NEDD4L: variants seen among roughly 807,000 people sequenced by gnomAD.
The protein encoded by NEDD4L is E3 ubiquitin-protein ligase NEDD4-like.
In NEDD4L, 54 loss-of-function variants were observed where a neutral mutation model predicts 148.9. The observed-to-expected ratio is 0.36, with a 90% CI of 0.29 to 0.45. The LOEUF is 0.45. Ranked by LOEUF, NEDD4L falls within the 20% of genes least tolerant of loss-of-function variation. NEDD4L has a pLI of 1.00. For missense variants in NEDD4L, 856 were observed against 1,233.8 expected (o/e 0.69, Z 4.59); for synonymous variants, 433 against 440.7 (o/e 0.98, Z 0.22).
At chr18:58,289,612 C>G (rs891764478) in intron 5 of NEDD4L, among the ~76,000 whole-genome samples, 2 of 152,172 alleles carry the variant, frequency 1.3e-5, no homozygotes, top group African/African-American at 4.8e-5. Flanking sequence ...CCCGTTCCAC[C>G]AGCCACAGTA....
chr18:58,119,591 A>G lies in NEDD4L; in HGVS notation c.49-46197A>G, dbSNP rs527633252. Among the ~76,000 whole-genome samples the G allele has an allele frequency of 2.6e-5, 4 of 152,330 alleles. No individual in the cohort carries two copies. The South Asian group carries it at 8.3e-4, about 32-fold the overall frequency. On this transcript the variant is annotated intron_variant, in intron 1 of 30. Coordinates refer to ENST00000400345, the MANE Select transcript of NEDD4L (RefSeq NM_001144967.3). ...TCCTAGCCGCAGAAATTGCTGGTGA[A>G]TGTCACCAAGCTAAGCGGTGTAGCT... is the stretch of plus-strand genomic sequence containing the variant.
intron 2 of NEDD4L, among the ~76,000 whole-genome samples, chr18:58,224,813 A>G (rs1599890016): frequency 6.6e-6 from 1 of 151,884 alleles, no homozygotes; most frequent in Admixed American, 6.6e-5. Context: ...GTTGAGCTAC[A>G]TTTTTTCCTT....
At chr18:58,392,857 T>C (rs1234944675) in intron 30 of NEDD4L, among the ~76,000 whole-genome samples, 1 of 152,146 alleles carries the variant, frequency 6.6e-6, no homozygotes, top group Non-Finnish European at 1.5e-5. Flanking sequence ...AGGATGAAGA[T>C]TAGGAAAAGC....
chr18:58,158,230 C>T (rs138807894), intron 1 of NEDD4L, among the ~76,000 whole-genome samples: 15 of 152,340 alleles, frequency 9.8e-5, no homozygotes, highest in Non-Finnish European at 1.6e-4. Flanking sequence ...AGTGTCTGCA[C>T]ATCATAGCAA....
At chr18:58,137,126 T>G (rs751676361) in intron 1 of NEDD4L, among the ~76,000 whole-genome samples, 1 of 152,232 alleles carries the variant, frequency 6.6e-6, no homozygotes, top group Non-Finnish European at 1.5e-5. Flanking sequence ...AGAGCACAAC[T>G]TGGCTACCAT....
At chr18:58,089,501 T>C (rs2083946866) in intron 1 of NEDD4L, among the ~76,000 whole-genome samples, 3 of 152,088 alleles carry the variant, frequency 2.0e-5, no homozygotes, top group East Asian at 3.9e-4. Context: ...TGTGAGTTAC[T>C]GATTTCAGAG....
chr18:58,152,050 C>G (rs2034841657), intron 1 of NEDD4L, among the ~76,000 whole-genome samples: 1 of 151,786 alleles, frequency 6.6e-6, no homozygotes, highest in South Asian at 2.1e-4. Context: ...GTTGTACCTC[C>G]TATGAAAACA....
chr18:58,061,359 A>G (rs2082324487), intron 1 of NEDD4L, among the ~76,000 whole-genome samples: 1 of 152,112 alleles, frequency 6.6e-6, no homozygotes, highest in Non-Finnish European at 1.5e-5. Context: ...TGCAGCTAGT[A>G]AGTGTTAGAG....
chr18:58,370,452 T>C lies in NEDD4L; in HGVS notation c.2241T>C (p.Asn747=). ...TGTTGGGAAAGCAGATAACCCTGAA[T>C]GACATGGAATCTGTGGTAAGTAAAT... The part of the protein sequence containing the change: ...KMMLGKQITL[N]DMESVDSEYY... The change falls in exon 23 of 31, where the codon AAT becomes AAC. Residue 747 remains asparagine (N), a synonymous_variant. Coordinates refer to ENST00000400345, the MANE Select transcript of NEDD4L (RefSeq NM_001144967.3). 1 of 1,609,188 alleles carries C rather than the reference T, an allele frequency of 6.2e-7. No homozygotes were observed. Among genetic ancestry groups the C allele is most frequent in the East Asian group, 2.2e-5 (1 of 44,880 alleles).
Position 58,373,257 on chromosome 18 carries a change from A to T in NEDD4L, c.2340A>T (p.Glu780Asp). ...ELDLMFCIDEENFGQTYQVDL... is the reference protein window; with the variant it reads ...ELDLMFCIDEDNFGQTYQVDL... ...ACCTCATGTTCTGCATAGACGAAGA[A>T]AACTTTGGACAGGTACATGTGGGTA... The change falls in exon 24 of 31, where the codon GAA becomes GAT. Residue 780 changes from glutamate to aspartate, a missense_variant. By Grantham distance (45) the Glu-to-Asp change is conservative. Transcript: ENST00000400345. 8 of 1,575,542 alleles carry T rather than the reference A, an allele frequency of 5.1e-6. No individual in the cohort carries two copies. Among genetic ancestry groups the T allele is most frequent in the Non-Finnish European group, 6.9e-6 (8 of 1,156,754 alleles).
chr18:58,262,442 A>G (rs911742503), intron 5 of NEDD4L, among the ~76,000 whole-genome samples: 1 of 152,166 alleles, frequency 6.6e-6, no homozygotes, highest in South Asian at 2.1e-4. Flanking sequence ...CAGCCTGAGC[A>G]ACATGGCGAA....
chr18:58,296,348 T>C (rs1376909915), intron 5 of NEDD4L, among the ~76,000 whole-genome samples: 1 of 152,342 alleles, frequency 6.6e-6, no homozygotes, highest in East Asian at 1.9e-4. Flanking sequence ...GGTCTTTGCC[T>C]ATGACTGAGT....
intron 2 of NEDD4L, among the ~76,000 whole-genome samples, chr18:58,244,001 A>AT (rs1163869957): frequency 6.6e-6 from 1 of 152,112 alleles, no homozygotes; most frequent in African/African-American, 2.4e-5. Context: ...CAGACTTTTG[A>AT]TTTTTTAGAT....
chr18:58,053,448 A>G (rs920080523), intron 1 of NEDD4L, among the ~76,000 whole-genome samples: 19 of 152,166 alleles, frequency 1.2e-4, no homozygotes, highest in Admixed American at 2.6e-4. Flanking sequence ...AGCTGGGACT[A>G]CAGGTGCCCA....
chr18:58,134,304 T>C (rs2146017449), intron 1 of NEDD4L, among the ~76,000 whole-genome samples: 1 of 152,090 alleles, frequency 6.6e-6, no homozygotes, highest in African/African-American at 2.4e-5. Flanking sequence ...CCTGGCCTAA[T>C]ATTCTTAATT....
intron 25 of NEDD4L, among the ~76,000 whole-genome samples, chr18:58,383,959 A>G (rs1311740317): frequency 6.6e-6 from 1 of 152,184 alleles, no homozygotes; most frequent in African/African-American, 2.4e-5. Context: ...CTTCAAATGC[A>G]TAACTCTGGG....
chr18:58,274,954 A>G (rs913460686), intron 5 of NEDD4L, among the ~76,000 whole-genome samples: 7 of 152,220 alleles, frequency 4.6e-5, no homozygotes, highest in Admixed American at 2.6e-4. Context: ...GAAATCTGCT[A>G]TTGTATTCAA....
chr18:58,060,584 G>C (rs2082287604), intron 1 of NEDD4L, among the ~76,000 whole-genome samples: 1 of 152,096 alleles, frequency 6.6e-6, no homozygotes, highest in South Asian at 2.1e-4. Flanking sequence ...TTTGGTCACT[G>C]ATTGATTAGG....
intron 29 of NEDD4L, 86 bp from the exon 30 acceptor site, chr18:58,391,401 T>C: frequency 9.2e-7 from 1 of 1,085,270 alleles, no homozygotes; most frequent in Non-Finnish European, 1.4e-6. Context: ...AACCCTGCCC[T>C]GACAGTAGCT....
Sources: gnomAD v4.1 joint callset for allele counts (sites outside exome capture counted in the v4.1 genomes callset) on GRCh38, gnomAD v4.1.1 for gene constraint, MANE v1.5 for transcripts, NCBI Gene and HGNC (gene_info 2026-07-23, HGNC 2026-07-21) for gene names.